Variants in CHD9 observed in about 807,000 individuals in gnomAD.
CHD9 encodes ATP-dependent chromatin remodeler CHD9.
Under a neutral mutation model 316.1 loss-of-function variants are expected in CHD9, and 77 were observed. The ratio of observed to expected loss-of-function variants is 0.24; its 90% CI spans 0.20 to 0.29. CHD9 has a LOEUF of 0.29. CHD9 is among the 10% of genes least tolerant of loss of function. The pLI is 1.00. For synonymous variants in CHD9, 1,129 were observed against 1,158.3 expected (o/e 0.97, Z 0.51); for missense variants, 2,763 against 3,438.1 (o/e 0.80, Z 4.91).
chr16:53,157,020 T>C lies in CHD9; in HGVS notation c.931T>C (p.Phe311Leu). Residue 311 changes from phenylalanine (F) to leucine (L), a missense_variant, in exon 2 of 39, where the codon TTT (phenylalanine) becomes CTT (leucine). Physicochemically the swap from Phe to Leu is conservative, Grantham distance 22. This residue lies in a region of CHD9 where 859 missense variants were observed against 890.4 expected (regional missense o/e 0.96). Transcript: ENST00000447540. ...ATCTGATTTTACTGGAAGTAATTCC[T>C]TTTCACCTCATAGAGGAATCAAGCA... is the stretch of plus-strand genomic sequence containing the variant. ...TLSDFTGSNS[F>L]SPHRGIKQES... 1 of 1,612,938 alleles carries C rather than the reference T, an allele frequency of 6.2e-7. No individual in the cohort carries two copies.
In CHD9 at chr16:53,321,532, G is replaced by A; in HGVS notation, c.7720G>A (p.Gly2574Ser). The change falls in exon 38 of 39, where the codon GGT (glycine) becomes AGT (serine). Residue 2574 changes from glycine to serine, a missense_variant. By Grantham distance (56) the Gly-to-Ser change is moderately conservative. Around this residue, in one of 15 missense-constraint regions of CHD9, gnomAD observed 298 missense variants for 380.2 expected, o/e 0.78. Transcript: ENST00000447540. Reference sequence around the variant, plus strand: ...ATCTGTTTCTAATTTACAGGTTGGAGGTGCATTTGCTCCCCCTTTGAAAGA... The same window carrying A: ...ATCTGTTTCTAATTTACAGGTTGGAAGTGCATTTGCTCCCCCTTTGAAAGA... ...INRRNARKVGGAFAPPLKDLC... is the reference protein window; with the variant it reads ...INRRNARKVGSAFAPPLKDLC... The A allele has an allele frequency of 6.5e-7, 1 of 1,539,036 alleles. No homozygotes were observed. Among genetic ancestry groups the A allele is most frequent in the Non-Finnish European group, 8.8e-7 (1 of 1,136,530 alleles).
At chr16:53,261,539 A>T (rs2152990001) in intron 19 of CHD9, among the ~76,000 whole-genome samples, 1 of 151,956 alleles carries the variant, frequency 6.6e-6, no homozygotes, top group African/African-American at 2.4e-5. Context: ...ACCTCAGGCT[A>T]ATTTTAAAAG....
Position 53,165,467 on chromosome 16 carries a change from CCCCCA to C in CHD9, c.1452+7932_1452+7936del, listed in dbSNP as rs1194158837. 1.9e-4 allele frequency among the ~76,000 whole-genome samples: 29 copies of C among 152,164 alleles called. 1 individual carries two copies. In the South Asian group the frequency reaches 5.8e-3, roughly 30 times the overall value. On this transcript the variant is annotated intron_variant, in intron 2 of 38. Coordinates refer to ENST00000447540, the MANE Select transcript of CHD9 (RefSeq NM_001308319.2). ...TTTAATTACATGGATCTTTTCATTT[CCCCCA>C]CCCCAGAAGGTAATGGTGGTGGTGG...
chr16:53,110,325 C>T (rs2037764774), intron 1 of CHD9, among the ~76,000 whole-genome samples: 1 of 152,174 alleles, frequency 6.6e-6, no homozygotes, highest in South Asian at 2.1e-4. Context: ...GGTGCAGTGC[C>T]TCATGCCTGT....
intron 22 of CHD9, among the ~76,000 whole-genome samples, chr16:53,270,808 CA>C (rs1185943070): frequency 6.6e-6 from 1 of 152,062 alleles, no homozygotes; most frequent in Admixed American, 6.6e-5. Context: ...ACAGATTTCC[CA>C]AATGTCTTAG....
In CHD9 at chr16:53,249,838, A is replaced by G. The variant is rs769060480; in HGVS notation, c.3666-33A>G. On this transcript the variant is annotated intron_variant, in intron 16 of 38. Coordinates refer to ENST00000447540, the MANE Select transcript of CHD9 (RefSeq NM_001308319.2). ...ATATGTCTTCAGTTTTATTATACTT[A>G]TTTATGTAAATTTATTCCATTTCAT... 6 of 1,491,384 alleles carry G rather than the reference A, an allele frequency of 4.0e-6. No homozygotes were observed. The East Asian group carries it at 1.1e-4, about 28-fold the overall frequency. The allele number at this position is 1,491,384 out of a possible 1,614,324, so 92.4% of individuals were successfully genotyped here.
chr16:53,193,073 C>T (rs2044605394), intron 2 of CHD9, among the ~76,000 whole-genome samples: 1 of 152,024 alleles, frequency 6.6e-6, no homozygotes, highest in African/African-American at 2.4e-5. Context: ...AGTGGTTGTA[C>T]CATTTTGCAT....
intron 1 of CHD9, among the ~76,000 whole-genome samples, chr16:53,075,585 C>G (rs2034454089): frequency 6.6e-6 from 1 of 152,092 alleles, no homozygotes; most frequent in South Asian, 2.1e-4. Flanking sequence ...GTGAATAAGT[C>G]TCACGAGATC....
rs770457802 is a variant in CHD9 at position 53,157,070 on chromosome 16, C to T, written c.981C>T (p.Asn327=). ...AAGAATCTACTCAGCATATCCTAAA[C>T]CCCAATACATCATTGAATTCAAATA... ...IKQESTQHIL[N]PNTSLNSNNF... is the part of the protein sequence containing the mutation. Residue 327 remains asparagine (N), a synonymous_variant, in exon 2 of 39, where the codon AAC becomes AAT. Transcript: ENST00000447540. The T allele has an allele frequency of 2.4e-5, 39 of 1,613,040 alleles. No individual in the cohort carries two copies. Among genetic ancestry groups the T allele is most frequent in the Non-Finnish European group, 3.3e-5 (39 of 1,179,594 alleles).
At chr16:53,279,708 C>G (rs1300861434) in intron 24 of CHD9, among the ~76,000 whole-genome samples, 1 of 151,952 alleles carries the variant, frequency 6.6e-6, no homozygotes, top group Non-Finnish European at 1.5e-5. Context: ...TTTTGCATGG[C>G]AAAAGGAACA....
At position 53,157,280 on chromosome 16, in the gene CHD9, A is replaced by G. The variant is rs772421560; in HGVS notation, c.1191A>G (p.Gln397=). 4 of 1,608,822 alleles carry G rather than the reference A, an allele frequency of 2.5e-6. No individual in the cohort carries two copies. The highest frequency in any genetic ancestry group is 2.7e-5 in the African/African-American group (2 of 74,886). The change falls in exon 2 of 39, where the codon CAA becomes CAG. Residue 397 remains glutamine (Q), a synonymous_variant. Coordinates refer to ENST00000447540, the MANE Select transcript of CHD9 (RefSeq NM_001308319.2). The part of the protein sequence containing the change: ...EENLLHQVES[Q]TEPFTGLDPE... The stretch of plus-strand genomic sequence containing the variant: ...ATTTACTTCATCAAGTGGAATCTCA[A>G]ACTGAGCCATTCACAGGACTTGACC...
chr16:53,284,904 T>G (rs935643585), intron 24 of CHD9, among the ~76,000 whole-genome samples: 1 of 152,138 alleles, frequency 6.6e-6, no homozygotes, highest in African/African-American at 2.4e-5. Context: ...TAGCTGAGAC[T>G]ACAGGTGTGC....
Position 53,222,801 on chromosome 16 carries a change from T to C in CHD9, c.1896+46T>C, listed in dbSNP as rs922187854. On this transcript the variant is annotated intron_variant, in intron 4 of 38. Transcript: ENST00000447540. The stretch of plus-strand genomic sequence containing the variant: ...TAGAAATGAAACACTGTTAGAATGA[T>C]TTAGTTAGCATAATATTGCCTTATA... 5 of 887,568 alleles carry C rather than the reference T, an allele frequency of 5.6e-6. No homozygotes were observed. The African/African-American group carries it at 8.4e-5, about 15-fold the overall frequency. The allele number at this position is 887,568 out of a possible 1,614,324, so 55.0% of individuals were successfully genotyped here. A position where few individuals can be genotyped will look rare whatever the true frequency, so the allele number is the denominator to read the frequency against.
intron 31 of CHD9, among the ~76,000 whole-genome samples, chr16:53,305,651 A>G (rs1265651644): frequency 1.3e-5 from 2 of 152,196 alleles, no homozygotes; most frequent in African/African-American, 4.8e-5. Context: ...AGCCATGACA[A>G]ATGCTTGTCA....
chr16:53,199,723 C>G (rs1277560094), intron 2 of CHD9, among the ~76,000 whole-genome samples: 1 of 152,152 alleles, frequency 6.6e-6, no homozygotes, highest in East Asian at 1.9e-4. Flanking sequence ...TGCTTCTTAA[C>G]CTACTGTAGT....
At chr16:53,230,871 A>C (rs2048110883) in intron 8 of CHD9, among the ~76,000 whole-genome samples, 1 of 152,210 alleles carries the variant, frequency 6.6e-6, no homozygotes, top group Non-Finnish European at 1.5e-5. Context: ...ATCTAAAATG[A>C]CTTCTTCATT....
intron 24 of CHD9, 72 bp from the exon 25 acceptor site, chr16:53,285,524 C>G: frequency 1.3e-6 from 1 of 759,382 alleles, no homozygotes; most frequent in Non-Finnish European, 2.1e-6. Context: ...GCTTTAAAAG[C>G]TAGGTAAAAT....
intron 1 of CHD9, among the ~76,000 whole-genome samples, chr16:53,151,478 A>T (rs1057000960): frequency 2.0e-5 from 3 of 151,512 alleles, no homozygotes; most frequent in Non-Finnish European, 2.9e-5. Context: ...TTGGTCTCGA[A>T]CTCCTGACCT....
At chr16:53,081,605 CA>C (rs2035021419) in intron 1 of CHD9, among the ~76,000 whole-genome samples, 1 of 152,216 alleles carries the variant, frequency 6.6e-6, no homozygotes, top group South Asian at 2.1e-4. Flanking sequence ...TTTTTCCCCT[CA>C]AGTTGGGGGT....
Sources: gnomAD v4.1 joint callset for allele counts (sites outside exome capture counted in the v4.1 genomes callset) on GRCh38, gnomAD v4.1.1 for gene constraint, gnomAD v4.1.1 regional missense constraint, MANE v1.5 for transcripts, NCBI Gene and HGNC (gene_info 2026-07-23, HGNC 2026-07-21) for gene names.